The following BCAS3 variants were observed in gnomAD, a reference collection of about 807,000 sequenced individuals.
The protein encoded by BCAS3 is BCAS3 microtubule associated cell migration factor, also known as BCAS4/BCAS3 fusion.
A neutral mutation model predicts 116.1 loss-of-function variants in BCAS3; 53 were observed. That is an observed-to-expected ratio of 0.46 (90% CI 0.37 to 0.57). The LOEUF (loss-of-function observed/expected upper bound fraction) is 0.57, where lower values mean the gene tolerates loss of function less well. Among genes scored for constraint, BCAS3 ranks in the 20% least tolerant of loss-of-function variants. BCAS3 has a pLI of 0.00. For missense variants in BCAS3, 917 were observed against 1,165.4 expected (o/e 0.79, Z 3.10); for synonymous variants, 391 against 408.2 (o/e 0.96, Z 0.51).
chr17:60,835,130 A>G (rs1337548265), intron 7 of BCAS3, among the ~76,000 whole-genome samples: 1 of 152,028 alleles, frequency 6.6e-6, no homozygotes, highest in Admixed American at 6.6e-5. Flanking sequence ...GTACAATAGA[A>G]TCTTCTAATG....
chr17:61,288,718 A>T, intron 22 of BCAS3, among the ~76,000 whole-genome samples: 1 of 152,190 alleles, frequency 6.6e-6, no homozygotes, highest in Admixed American at 6.5e-5. Flanking sequence ...GACAGTTTTT[A>T]ATGCAGAGAT....
chr17:60,705,470 T>G (rs1278585952), intron 4 of BCAS3, among the ~76,000 whole-genome samples: 1 of 145,548 alleles, frequency 6.9e-6, no homozygotes, highest in Non-Finnish European at 1.5e-5. Context: ...GCTGAGATCA[T>G]GCCACTGTAT....
chr17:60,825,732 A>G (rs1377099243), intron 7 of BCAS3, among the ~76,000 whole-genome samples: 1 of 151,700 alleles, frequency 6.6e-6, no homozygotes, highest in African/African-American at 2.4e-5. Flanking sequence ...AAAAGGGCCT[A>G]GGGTGTTCTC....
At chr17:61,111,230 G>A (rs1415477285) in intron 22 of BCAS3, among the ~76,000 whole-genome samples, 1 of 152,092 alleles carries the variant, frequency 6.6e-6, no homozygotes, top group African/African-American at 2.4e-5. Flanking sequence ...AACAAAGGTG[G>A]ATGGAGAATG....
intron 22 of BCAS3, among the ~76,000 whole-genome samples, chr17:61,129,796 A>G (rs1340940616): frequency 6.6e-6 from 1 of 152,236 alleles, no homozygotes; most frequent in Non-Finnish European, 1.5e-5. Context: ...TTTGGAACTT[A>G]CAATCTGAGT....
intron 17 of BCAS3, among the ~76,000 whole-genome samples, chr17:61,036,631 C>A (rs985841404): frequency 2.6e-5 from 4 of 152,054 alleles, no homozygotes; most frequent in Admixed American, 2.6e-4. Flanking sequence ...GTAATTGATT[C>A]GCCTGACACA....
rs115563880 is a variant in BCAS3, at chr17:61,140,534, T to A, written c.2425+55970T>A. On this transcript the variant is annotated intron_variant, in intron 22 of 23. Transcript: ENST00000407086. This position sits in a 1 kb window ranked among gnomAD's most constrained non-coding sequence, Gnocchi z 4.2. Reference sequence around the variant, plus strand: ...AATCAAACATTTACCAAGTAATCACTGCAAGTGGATTCAATTTGTAAAGTC... The same window carrying A: ...AATCAAACATTTACCAAGTAATCACAGCAAGTGGATTCAATTTGTAAAGTC... 3.3e-3 allele frequency among the ~76,000 whole-genome samples: 500 copies of A among 151,384 alleles called. 3 individuals are homozygous for A. Among genetic ancestry groups the A allele is most frequent in the African/African-American group, 0.012 (483 of 41,340 alleles).
chr17:60,727,355 T>A, intron 5 of BCAS3: 1 of 1,519,948 alleles, frequency 6.6e-7, no homozygotes, highest in Admixed American at 1.7e-5. Context: ...GCCACTCTGC[T>A]TCCGATCATA....
chr17:60,864,242 G>T (rs2054399038), intron 7 of BCAS3, among the ~76,000 whole-genome samples: 1 of 152,168 alleles, frequency 6.6e-6, no homozygotes, highest in Non-Finnish European at 1.5e-5. Context: ...CTGTCATGGT[G>T]CTGATGGGAG....
At chr17:61,036,191 A>G (rs150989797) in intron 17 of BCAS3, 141 of 152,278 alleles carry the variant, frequency 9.3e-4, no homozygotes, top group African/African-American at 3.2e-3. Flanking sequence ...ATATTTTAGT[A>G]TTATTAAAGT....
At position 61,012,433 on chromosome 17, in the gene BCAS3, C is replaced by T. The variant is rs1026329238; in HGVS notation, c.1487-3318C>T. On this transcript the variant is annotated intron_variant, in intron 15 of 23. Coordinates refer to ENST00000407086, the MANE Select transcript of BCAS3 (RefSeq NM_017679.5). The surrounding 1 kb of genome is among the most constrained non-coding windows in gnomAD (Gnocchi z 4.5). Reference sequence around the variant, plus strand: ...CTTATGGCTTACAATCTGACTTTTCCACCTCACTGCTGAAACTACCCTACT... The same window carrying T: ...CTTATGGCTTACAATCTGACTTTTCTACCTCACTGCTGAAACTACCCTACT... Among the ~76,000 whole-genome samples the T allele has an allele frequency of 2.6e-5, 4 of 151,982 alleles. No homozygotes were observed. The highest frequency in any genetic ancestry group is 9.7e-5 in the African/African-American group (4 of 41,398).
At chr17:61,009,895 A>G (rs775477115) in intron 15 of BCAS3, among the ~76,000 whole-genome samples, 1 of 151,990 alleles carries the variant, frequency 6.6e-6, no homozygotes, top group East Asian at 1.9e-4. Flanking sequence ...TTGCAGCCAC[A>G]TTACCTGGGA....
intron 22 of BCAS3, among the ~76,000 whole-genome samples, chr17:61,268,896 A>T (rs1441497064): frequency 1.3e-5 from 2 of 152,034 alleles, no homozygotes; most frequent in African/African-American, 4.8e-5. Context: ...TTCACCTAGC[A>T]TGATGTCCTC....
intron 6 of BCAS3, among the ~76,000 whole-genome samples, chr17:60,783,411 C>T (rs1195535800): frequency 6.6e-6 from 1 of 152,034 alleles, no homozygotes; most frequent in Non-Finnish European, 1.5e-5. Flanking sequence ...CGTCATGTTG[C>T]CCAGGCTGGT....
At chr17:60,838,340 A>G (rs1220785805) in intron 7 of BCAS3, among the ~76,000 whole-genome samples, 6 of 152,206 alleles carry the variant, frequency 3.9e-5, no homozygotes, top group Non-Finnish European at 1.5e-5. Context: ...TTGACTCAGA[A>G]TGGTCAATTC....
intron 3 of BCAS3, among the ~76,000 whole-genome samples, chr17:60,684,950 A>G (rs183085659): frequency 5.9e-5 from 9 of 152,328 alleles, no homozygotes; most frequent in South Asian, 4.1e-4. Context: ...TTATGGTAAT[A>G]TAGTAGAAGG....
chr17:60,736,799 T>C (rs936269731), intron 5 of BCAS3, among the ~76,000 whole-genome samples: 1 of 152,172 alleles, frequency 6.6e-6, no homozygotes, highest in African/African-American at 2.4e-5. Context: ...ATCAAACTTG[T>C]GGGCATAGAG....
intron 12 of BCAS3, among the ~76,000 whole-genome samples, chr17:60,922,751 TATTTCTCTA>T: frequency 6.6e-6 from 1 of 152,248 alleles, no homozygotes; most frequent in South Asian, 2.1e-4. Context: ...TCATGCGGAG[TATTTCTCTA>T]AGGACAATGG....
intron 9 of BCAS3, among the ~76,000 whole-genome samples, chr17:60,875,120 G>A (rs1328877698): frequency 6.6e-6 from 1 of 151,882 alleles, no homozygotes; most frequent in East Asian, 1.9e-4. Flanking sequence ...ACTAACATTA[G>A]TATCTGTCAT....
Sources: allele counts gnomAD v4.1 joint callset (sites outside exome capture counted in the v4.1 genomes callset), GRCh38; gene constraint gnomAD v4.1.1; non-coding constraint Gnocchi (gnomAD v3.1); transcripts MANE v1.5; gene names NCBI Gene and HGNC (gene_info 2026-07-23, HGNC 2026-07-21).